The following LARGE1 variants were observed in gnomAD, a reference collection of about 807,000 sequenced individuals.
LARGE1 encodes xylosyl- and glucuronyltransferase LARGE1.
Under a neutral mutation model 87.6 loss-of-function variants are expected in LARGE1, and 43 were observed. That is an observed-to-expected ratio of 0.49 (90% CI 0.38 to 0.63). LARGE1 has a LOEUF of 0.63. Ranked by LOEUF, LARGE1 falls within the 30% of genes least tolerant of loss-of-function variation. The probability of loss-of-function intolerance (pLI) is 0.00; values close to 1 mark genes in which losing one functional copy is unlikely to be tolerated. For missense variants in LARGE1, 802 were observed against 1,000.2 expected (o/e 0.80, Z 2.67); for synonymous variants, 434 against 394.6 (o/e 1.10, Z -1.18).
At chr22:33,257,833 A>C (rs978826164) in intron 11 of LARGE1, among the ~76,000 whole-genome samples, 3 of 152,138 alleles carry the variant, frequency 2.0e-5, no homozygotes, top group African/African-American at 7.2e-5. Flanking sequence ...AACTGGAGCT[A>C]CTCTGGTGAA....
At chr22:33,220,562 C>T (rs1925412733) in intron 11 of LARGE1, among the ~76,000 whole-genome samples, 1 of 152,158 alleles carries the variant, frequency 6.6e-6, no homozygotes, top group Non-Finnish European at 1.5e-5. Flanking sequence ...GCTTGTACGT[C>T]AGCTTTTCAC....
chr22:33,850,476 A>G (rs546203370), intron 1 of LARGE1, among the ~76,000 whole-genome samples: 2 of 152,324 alleles, frequency 1.3e-5, no homozygotes, highest in South Asian at 2.1e-4. Context: ...GCAAAGAAGG[A>G]TAACAATGAA....
chr22:33,792,252 T>A (rs565919300), intron 1 of LARGE1, among the ~76,000 whole-genome samples: 1 of 152,312 alleles, frequency 6.6e-6, no homozygotes, highest in South Asian at 2.1e-4. Flanking sequence ...TAGGACGTAA[T>A]CAAATCACAA....
chr22:33,266,151 A>G (rs538445577), intron 11 of LARGE1, among the ~76,000 whole-genome samples: 9 of 120,774 alleles, frequency 7.5e-5, no homozygotes, highest in Middle Eastern at 4.1e-3. Flanking sequence ...CTCAATAGGG[A>G]AAAAAAAAAA....
intron 6 of LARGE1, among the ~76,000 whole-genome samples, chr22:33,552,374 G>A (rs1325358782): frequency 6.6e-6 from 1 of 151,976 alleles, no homozygotes; most frequent in East Asian, 1.9e-4. Flanking sequence ...TTGCTTCCAG[G>A]AAACAGACAG....
At chr22:33,493,883 C>G (rs1039292560) in intron 6 of LARGE1, among the ~76,000 whole-genome samples, 1 of 152,180 alleles carries the variant, frequency 6.6e-6, no homozygotes, top group African/African-American at 2.4e-5. Flanking sequence ...AGAGACCCTC[C>G]AAACCCAGGT....
chr22:33,704,438 C>T (rs1410111606), intron 2 of LARGE1, among the ~76,000 whole-genome samples: 1 of 152,208 alleles, frequency 6.6e-6, no homozygotes, highest in Non-Finnish European at 1.5e-5. Flanking sequence ...GCAACCCATG[C>T]TCACCGAGTG....
At chr22:33,716,381 T>C (rs2082908307) in intron 2 of LARGE1, among the ~76,000 whole-genome samples, 1 of 152,226 alleles carries the variant, frequency 6.6e-6, no homozygotes, top group African/African-American at 2.4e-5. Context: ...GAAATTTTTT[T>C]GTTTGCTTTT....
chr22:33,878,129 C>CTTTTTTTTTTTTTTTTTTTTGTTTT (rs2064534795), intron 1 of LARGE1, among the ~76,000 whole-genome samples: 1 of 44,652 alleles, frequency 2.2e-5, no homozygotes. Context: ...TATTGTATTT[C>CTTTTTTTTTTTTTTTTTTTTGTTTT]TTTTTTTTTT....
At chr22:33,764,453 A>T (rs1163035427) in intron 1 of LARGE1, among the ~76,000 whole-genome samples, 1 of 152,146 alleles carries the variant, frequency 6.6e-6, no homozygotes, top group Non-Finnish European at 1.5e-5. Context: ...TCTCTAGATT[A>T]CTTATAATAC....
At chr22:33,479,011 C>A (rs745378523) in intron 6 of LARGE1, among the ~76,000 whole-genome samples, 6 of 152,198 alleles carry the variant, frequency 3.9e-5, no homozygotes, top group Non-Finnish European at 8.8e-5. Context: ...CCCCAAGGAA[C>A]CTCACCATTC....
chr22:33,784,641 A>G (rs907694203), intron 1 of LARGE1, among the ~76,000 whole-genome samples: 2 of 152,146 alleles, frequency 1.3e-5, no homozygotes, highest in African/African-American at 4.8e-5. Context: ...TTCTACCCTC[A>G]AAGAAGTCTG....
chr22:33,317,612 A>C (rs1936298069), intron 10 of LARGE1, among the ~76,000 whole-genome samples: 1 of 152,158 alleles, frequency 6.6e-6, no homozygotes, highest in East Asian at 1.9e-4. Flanking sequence ...GCTGACAGGG[A>C]GCTAAGAAGA....
At chr22:33,411,060 A>G (rs367801422) in intron 7 of LARGE1, among the ~76,000 whole-genome samples, 2 of 152,168 alleles carry the variant, frequency 1.3e-5, no homozygotes, top group Non-Finnish European at 2.9e-5. Context: ...CTTCTACTGC[A>G]CACTGAACCA....
At chr22:33,418,709 G>A (rs1387416177) in intron 7 of LARGE1, among the ~76,000 whole-genome samples, 1 of 131,908 alleles carries the variant, frequency 7.6e-6, no homozygotes, top group Non-Finnish European at 1.7e-5. Flanking sequence ...AGTGGCTGGA[G>A]GGAGGCGGCT....
At chr22:33,074,034 C>T in the LARGE1 span, among the ~76,000 whole-genome samples, 4 of 152,292 alleles carry the variant, frequency 2.6e-5, no homozygotes, top group African/African-American at 4.8e-5. Flanking sequence ...ATTGTCTGCT[C>T]ATTCTGGTGA....
intron 6 of LARGE1, among the ~76,000 whole-genome samples, chr22:33,512,449 T>C (rs1308981460): frequency 3.3e-5 from 5 of 152,038 alleles, no homozygotes; most frequent in Non-Finnish European, 1.5e-5. Context: ...CAGAATTACA[T>C]ATAGGAGGAA....
chr22:33,289,228 A>G (rs1962733), intron 12 of LARGE1, among the ~76,000 whole-genome samples: 43,381 of 152,038 alleles, frequency 0.29, 10,151 homozygotes, highest in African/African-American at 0.65. Flanking sequence ...AAAGTGCTGG[A>G]ATTACAGGCA....
intron 11 of LARGE1, among the ~76,000 whole-genome samples, 163 bp downstream of exon 11, chr22:33,315,922 C>T (rs1936103465): frequency 6.6e-6 from 1 of 152,184 alleles, no homozygotes; most frequent in African/African-American, 2.4e-5. Context: ...GCCACCGTGC[C>T]CGGCCCAGGC....
Sources: allele counts gnomAD v4.1 joint callset (sites outside exome capture counted in the v4.1 genomes callset), GRCh38; gene constraint gnomAD v4.1.1; transcripts MANE v1.5; gene names NCBI Gene and HGNC (gene_info 2026-07-23, HGNC 2026-07-21).